The following ZNF510 variants were observed in gnomAD, a reference collection of about 807,000 sequenced individuals.
ZNF510 encodes zinc finger protein 510.
ZNF510 carries 15 observed loss-of-function variants against 18.1 expected under a neutral mutation model. The ratio of observed to expected loss-of-function variants is 0.83; its 90% CI spans 0.55 to 1.28. ZNF510 has a LOEUF of 1.28. ZNF510 is among the 50% of genes most tolerant of loss of function. The probability of loss-of-function intolerance (pLI) is 0.00; values close to 1 mark genes in which losing one functional copy is unlikely to be tolerated. For synonymous variants in ZNF510, 261 were observed against 266.4 expected (o/e 0.98, Z 0.20); for missense variants, 724 against 791.8 (o/e 0.91, Z 1.03).
chr9:96,760,079 C>T lies in ZNF510; in HGVS notation c.751G>A (p.Glu251Lys), dbSNP rs746404080. Residue 251 changes from glutamate to lysine, a missense_variant, in exon 6 of 6, where the codon GAG (glutamate) becomes AAG (lysine). Physicochemically the swap from Glu to Lys is moderately conservative, Grantham distance 56. Transcript: ENST00000223428. ...ATTTTATTACATTCAAAAGCTTGCT[C>T]CAAAGTTTGAAACTTTGGATGCTTG... ...LPKHPKFQTL[E>K]QAFECNKIGK... is the part of the protein sequence containing the mutation. The T allele has an allele frequency of 6.2e-7, 1 of 1,610,854 alleles. No individual in the cohort carries two copies. The highest frequency in any genetic ancestry group is 1.7e-5 in the Admixed American group (1 of 59,558).
Position 96,759,436 on chromosome 9 carries a change from C to T in ZNF510, c.1394G>A (p.Cys465Tyr). 2.5e-6 allele frequency: 4 copies of T among 1,614,148 alleles called. No homozygotes were observed. In the South Asian group the frequency reaches 3.3e-5, roughly 13 times the overall value. Reference protein sequence around the residue: ...TAEKPYKCNECGKTFVQKSTL... With the variant: ...TAEKPYKCNEYGKTFVQKSTL... ...TGACTTCTGGACAAATGTTTTTCCA[C>T]ATTCATTACATTTATAGGGTTTTTC... Residue 465 changes from cysteine (C) to tyrosine (Y), a missense_variant, in exon 6 of 6, where the codon TGT (cysteine) becomes TAT (tyrosine). Physicochemically the swap from Cys to Tyr is radical, Grantham distance 194. Transcript: ENST00000223428.
Position 96,763,145 on chromosome 9 carries a change from CCT to C in ZNF510, c.323_324del (p.Glu108GlyfsTer15). 1 of 1,614,054 alleles carries C rather than the reference CCT, an allele frequency of 6.2e-7. No homozygotes were observed. Among genetic ancestry groups the C allele is most frequent in the Non-Finnish European group, 8.5e-7 (1 of 1,179,966 alleles). On this transcript the variant is annotated frameshift_variant, in exon 5 of 6. Transcript: ENST00000223428. LOFTEE classifies it low-confidence loss of function (END_TRUNC). The part of the protein sequence containing the change: ...LEQGEEPWFS[E>X]EEFSNQSHPK... Reference sequence around the variant, plus strand: ...GGGTGACTCTGGTTTGAGAATTCCTCCTCTGAGAACCAAGGCTCCTCTCCTTG... The same window carrying C: ...GGGTGACTCTGGTTTGAGAATTCCTCCTGAGAACCAAGGCTCCTCTCCTTG...
In ZNF510 at chr9:96,776,155, T is replaced by G; in HGVS notation, c.-86A>C. 6.5e-7 allele frequency: 1 copy of G among 1,528,446 alleles called. No individual in the cohort carries two copies. The highest frequency in any genetic ancestry group is 1.3e-5 in the South Asian group (1 of 79,758). The allele number at this position is 1,528,446 out of a possible 1,614,324, so 94.7% of individuals were successfully genotyped here. Reference sequence around the variant, plus strand: ...AGACCTGCTCCTTTCTGGGTTCTTCTGCATCTGTTTGGAAGCCCTGGTGAG... The same window carrying G: ...AGACCTGCTCCTTTCTGGGTTCTTCGGCATCTGTTTGGAAGCCCTGGTGAG... On this transcript the variant is annotated 5_prime_UTR_variant, in exon 2 of 6. Transcript: ENST00000223428.
In ZNF510 at chr9:96,774,789, T is replaced by C. The variant is rs2289651; in HGVS notation, c.128A>G (p.Gln43Arg). The change falls in exon 3 of 6, where the codon CAG becomes CGG. Residue 43 changes from glutamine to arginine, a missense_variant and splice_region_variant. Transcript: ENST00000223428. ...AAAAGGTATTAGTAATTAACTCACC[T>C]GAGATATGTTCATTTTCTGCTGCTC... ...FQEQQKMNISQASVSFKDVTI... is the reference protein window; with the variant it reads ...FQEQQKMNISRASVSFKDVTI... The C allele has an allele frequency of 0.02, 32,165 of 1,607,168 alleles. 1,944 individuals are homozygous for C. The East Asian group carries it at 0.27, about 13-fold the overall frequency.
chr9:96,758,893 T>C lies in ZNF510; in HGVS notation c.1937A>G (p.His646Arg), dbSNP rs1346678218. The change falls in exon 6 of 6, where the codon CAT becomes CGT. Residue 646 changes from histidine (H) to arginine (R), a missense_variant. By Grantham distance (29) the His-to-Arg change is conservative. Transcript: ENST00000223428. Reference sequence around the variant, plus strand: ...TTTCTCCCCACTGTGAGTCCTTTGATGTATTCTGAGGTTTGATTTCTGGCC... The same window carrying C: ...TTTCTCCCCACTGTGAGTCCTTTGACGTATTCTGAGGTTTGATTTCTGGCC... ...TFGQKSNLRI[H>R]QRTHSGEKSY... 6.2e-7 allele frequency: 1 copy of C among 1,614,142 alleles called. No homozygotes were observed.
rs1469491266 is a variant in ZNF510, at chr9:96,757,391, T to TATCA, written c.*1383_*1386dup. The TATCA allele has an allele frequency of 1.3e-5, 2 of 152,236 alleles. No homozygotes were observed. Among genetic ancestry groups the TATCA allele is most frequent in the Non-Finnish European group, 2.9e-5 (2 of 68,048 alleles). The allele number at this position is 152,236 out of a possible 1,614,324, so 9.4% of individuals were successfully genotyped here. ...TGCAAAGCCCTGTATCAGGTGGTAC[T>TATCA]ATCAATTTCATTACATTGAAAGGAT... On this transcript the variant is annotated 3_prime_UTR_variant, in exon 6 of 6. Transcript: ENST00000223428.
In ZNF510 at chr9:96,754,556, G is replaced by A. The variant is rs1255003090; in HGVS notation, c.*4222C>T. ...TGATTAAATGTGTAGACATAACTTT[G>A]AACTGGGAATCTCAATTTATTGAAA... is the stretch of plus-strand genomic sequence containing the variant. On this transcript the variant is annotated 3_prime_UTR_variant, in exon 6 of 6. Transcript: ENST00000223428. Among the ~76,000 whole-genome samples the A allele has an allele frequency of 2.0e-5, 3 of 151,892 alleles. No individual in the cohort carries two copies. The highest frequency in any genetic ancestry group is 7.3e-5 in the African/African-American group (3 of 41,368).
chr9:96,766,511 GCTA>G (rs1378302899), intron 3 of ZNF510, among the ~76,000 whole-genome samples: 1 of 151,970 alleles, frequency 6.6e-6, no homozygotes, highest in Non-Finnish European at 1.5e-5. Flanking sequence ...TCTCACAAAG[GCTA>G]CTATCTGACA....
intron 3 of ZNF510, among the ~76,000 whole-genome samples, chr9:96,773,494 AAAG>A (rs1849625492): frequency 6.6e-6 from 1 of 152,218 alleles, no homozygotes; most frequent in Non-Finnish European, 1.5e-5. Flanking sequence ...CATACAGAGG[AAAG>A]ATGATGTGAG....
At chr9:96,760,536 T>G (rs1463155881) in intron 5 of ZNF510, 59 bp from the exon 6 acceptor site, 1 of 1,446,486 alleles carries the variant, frequency 6.9e-7, no homozygotes, top group African/African-American at 1.4e-5. Context: ...GGTAGAGCTT[T>G]ATCAACATAC....
chr9:96,761,442 A>G lies in ZNF510; in HGVS notation c.353-965T>C, dbSNP rs79273932. Among the ~76,000 whole-genome samples, 774 of 152,324 alleles carry G rather than the reference A, an allele frequency of 5.1e-3. 8 individuals carry two copies. Among genetic ancestry groups the G allele is most frequent in the Non-Finnish European group, 8.2e-3 (561 of 68,026 alleles). ...CATTTTATTAAGCATGAAACAATAT[A>G]TATCTGCATAAAACTTTCATGTGCA... On this transcript the variant is annotated intron_variant, in intron 5 of 5. Coordinates refer to ENST00000223428, the MANE Select transcript of ZNF510 (RefSeq NM_014930.3).
intron 3 of ZNF510, among the ~76,000 whole-genome samples, chr9:96,771,935 T>C (rs1346692260): frequency 6.6e-6 from 1 of 152,166 alleles, no homozygotes; most frequent in East Asian, 1.9e-4. Context: ...TCTGAAAAAC[T>C]TTCCATCAGG....
At chr9:96,765,989 TA>T (rs1044477769) in intron 3 of ZNF510, among the ~76,000 whole-genome samples, 43 of 152,230 alleles carry the variant, frequency 2.8e-4, no homozygotes, top group African/African-American at 9.9e-4. Flanking sequence ...CCAACAATAT[TA>T]AATAAGGTGT....
rs1375811147 is a variant in ZNF510 at position 96,755,894 on chromosome 9, A to G, written c.*2884T>C. Reference sequence around the variant, plus strand: ...TAAAGAGACCTTTATTTTGTACAGTACATGGTACTGTAAAAGTACCATGTA... The same window carrying G: ...TAAAGAGACCTTTATTTTGTACAGTGCATGGTACTGTAAAAGTACCATGTA... On this transcript the variant is annotated 3_prime_UTR_variant, in exon 6 of 6. Transcript: ENST00000223428. 1.3e-5 allele frequency: 2 copies of G among 152,126 alleles called. No homozygotes were observed. The highest frequency in any genetic ancestry group is 4.8e-5 in the African/African-American group (2 of 41,420). 9.4% of individuals were successfully genotyped at this position (152,126 alleles called of 1,614,324 possible). A position where few individuals can be genotyped will look rare whatever the true frequency, so the allele number is the denominator to read the frequency against.
intron 3 of ZNF510, among the ~76,000 whole-genome samples, chr9:96,764,881 G>A (rs1411710367): frequency 3.3e-5 from 5 of 152,190 alleles, no homozygotes; most frequent in East Asian, 1.9e-4. Context: ...TTGGGAGGCC[G>A]AGGCAGGCGG....
chr9:96,763,254 G>T, intron 4 of ZNF510, 41 bp from the exon 5 acceptor site: 1 of 1,593,614 alleles, frequency 6.3e-7, no homozygotes, highest in South Asian at 1.1e-5. Context: ...CCAGATATAT[G>T]AGATTTTAGT....
intron 5 of ZNF510, among the ~76,000 whole-genome samples, chr9:96,761,154 A>C (rs946160089): frequency 6.6e-6 from 1 of 152,200 alleles, no homozygotes; most frequent in East Asian, 1.9e-4. Context: ...TCATGCAACT[A>C]ACTTAGATGC....
Position 96,758,722 on chromosome 9 carries a change from A to C in ZNF510, c.*56T>G, listed in dbSNP as rs1849252518. On this transcript the variant is annotated 3_prime_UTR_variant, in exon 6 of 6. Transcript: ENST00000223428. ...ACTACCCTCAATTGGTTTTTTGTGT[A>C]TCTCTGATATCAAATGGGGTATTCC... is the stretch of plus-strand genomic sequence containing the variant. 6.7e-6 allele frequency: 10 copies of C among 1,499,320 alleles called. No individual in the cohort carries two copies. The highest frequency in any genetic ancestry group is 8.0e-6 in the Non-Finnish European group (9 of 1,123,560). 92.9% of individuals were successfully genotyped at this position (1,499,320 alleles called of 1,614,324 possible).
rs759264774 is a variant in ZNF510, at chr9:96,774,850, G to T, written c.71-4C>A. Reference sequence around the variant, plus strand: ...GTGGAGAACCGTAAAGGATAACCTGGGGGTGAGGAAGGAGTCATGAGAGAT... The same window carrying T: ...GTGGAGAACCGTAAAGGATAACCTGTGGGTGAGGAAGGAGTCATGAGAGAT... On this transcript the variant is annotated splice_region_variant and splice_polypyrimidine_tract_variant and intron_variant, in intron 2 of 5. Transcript: ENST00000223428. The T allele has an allele frequency of 3.7e-6, 6 of 1,613,868 alleles. No individual in the cohort carries two copies. The South Asian group carries it at 6.6e-5, about 18-fold the overall frequency.
Sources: gnomAD v4.1 joint callset for allele counts (sites outside exome capture counted in the v4.1 genomes callset) on GRCh38, gnomAD v4.1.1 for gene constraint, MANE v1.5 for transcripts, NCBI Gene and HGNC (gene_info 2026-07-23, HGNC 2026-07-21) for gene names.